Variants in PCDH15 observed in about 807,000 individuals in gnomAD.
PCDH15 encodes the protein protocadherin related 15.
Under a neutral mutation model 178.5 loss-of-function variants are expected in PCDH15, and 129 were observed. The ratio of observed to expected loss-of-function variants is 0.72; its 90% CI spans 0.63 to 0.84. PCDH15 has a LOEUF of 0.84. Ranked by LOEUF, PCDH15 falls within the 40% of genes least tolerant of loss-of-function variation. The pLI, the probability that PCDH15 is intolerant of heterozygous loss-of-function variation, is 0.00. For synonymous variants in PCDH15, 800 were observed against 732.0 expected (o/e 1.09, Z -1.50); for missense variants, 2,230 against 2,099.9 (o/e 1.06, Z -1.21).
intron 2 of PCDH15, among the ~76,000 whole-genome samples, chr10:54,969,315 A>G (rs1246359550): frequency 2.0e-5 from 3 of 152,202 alleles, no homozygotes; most frequent in Non-Finnish European, 2.9e-5. Context: ...AGCAGAACTC[A>G]GTAGCAGGAC....
chr10:55,279,628 T>C (rs968377320), intron 1 of PCDH15, among the ~76,000 whole-genome samples: 18 of 152,218 alleles, frequency 1.2e-4, no homozygotes, highest in Admixed American at 9.8e-4. Context: ...GCATTTTGTA[T>C]TGGGTCCCAG....
chr10:55,340,504 T>A (rs564129241), intron 2 of PCDH15, among the ~76,000 whole-genome samples: 106 of 152,116 alleles, frequency 7.0e-4, no homozygotes, highest in African/African-American at 2.2e-3. Flanking sequence ...TATGCCACAA[T>A]CACATAAAAC....
intron 1 of PCDH15, among the ~76,000 whole-genome samples, chr10:54,691,548 C>T (rs1414446591): frequency 2.0e-5 from 3 of 151,630 alleles, no homozygotes; most frequent in African/African-American, 7.3e-5. Flanking sequence ...GGAAATTACT[C>T]TTCTGAGTAC....
intron 2 of PCDH15, among the ~76,000 whole-genome samples, chr10:54,962,929 T>C (rs1252871440): frequency 6.6e-6 from 1 of 152,094 alleles, no homozygotes; most frequent in East Asian, 1.9e-4. Flanking sequence ...ACCTGAAGGA[T>C]CCTGTGACAG....
At chr10:55,398,923 C>T (rs1408073087) in intron 2 of PCDH15, among the ~76,000 whole-genome samples, 3 of 151,992 alleles carry the variant, frequency 2.0e-5, no homozygotes, top group Admixed American at 1.3e-4. Flanking sequence ...AGAAAGAACG[C>T]TCACATTCTC....
intron 1 of PCDH15, among the ~76,000 whole-genome samples, chr10:55,186,177 A>T (rs1260201146): frequency 2.0e-5 from 3 of 151,600 alleles, no homozygotes; most frequent in Non-Finnish European, 4.4e-5. Flanking sequence ...TTGACTAAAT[A>T]TAATGCAAAT....
At chr10:54,203,525 TAGTCAG>T (rs1212059490) in intron 10 of PCDH15, among the ~76,000 whole-genome samples, 1 of 152,194 alleles carries the variant, frequency 6.6e-6, no homozygotes. Context: ...TTTTGGTTTC[TAGTCAG>T]AGTCAGAGAA....
At chr10:54,262,893 G>A (rs978375452) in intron 8 of PCDH15, among the ~76,000 whole-genome samples, 6 of 152,028 alleles carry the variant, frequency 3.9e-5, no homozygotes, top group Non-Finnish European at 5.9e-5. Context: ...CCGCCAGGGC[G>A]AGTGTCTGTG....
chr10:54,169,001 C>CA (rs1323277753), intron 13 of PCDH15, among the ~76,000 whole-genome samples: 2 of 152,174 alleles, frequency 1.3e-5, no homozygotes, highest in Non-Finnish European at 2.9e-5. Context: ...GGCGTTCCTC[C>CA]AGAACCTCCT....
intron 2 of PCDH15, among the ~76,000 whole-genome samples, chr10:55,338,682 C>T (rs532489954): frequency 6.6e-6 from 1 of 152,022 alleles, no homozygotes; most frequent in Non-Finnish European, 1.5e-5. Flanking sequence ...GCAGGGGAAT[C>T]GCTTGGACCC....
chr10:54,653,317 T>C (rs985221795), intron 2 of PCDH15, among the ~76,000 whole-genome samples: 2 of 152,158 alleles, frequency 1.3e-5, no homozygotes, highest in African/African-American at 4.8e-5. Context: ...ATGTAAGTAT[T>C]CCTACTAGCC....
At chr10:54,602,407 T>A (rs1446595392) in intron 2 of PCDH15, among the ~76,000 whole-genome samples, 1 of 152,144 alleles carries the variant, frequency 6.6e-6, no homozygotes, top group East Asian at 1.9e-4. Flanking sequence ...TTTAGACTTT[T>A]CTGCCTATAC....
chr10:55,095,960 G>A (rs1842440992), intron 2 of PCDH15, among the ~76,000 whole-genome samples: 1 of 151,964 alleles, frequency 6.6e-6, no homozygotes, highest in Non-Finnish European at 1.5e-5. Flanking sequence ...TAGATAATAG[G>A]ATCATGTACA....
intron 3 of PCDH15, among the ~76,000 whole-genome samples, chr10:54,830,069 T>A (rs75057016): frequency 6.6e-6 from 1 of 152,066 alleles, no homozygotes; most frequent in African/African-American, 2.4e-5. Flanking sequence ...CATTGAAACA[T>A]CAAAGTCTAT....
intron 1 of PCDH15, among the ~76,000 whole-genome samples, chr10:55,263,740 A>T (rs1293194624): frequency 2.0e-5 from 3 of 151,788 alleles, no homozygotes; most frequent in African/African-American, 7.3e-5. Flanking sequence ...TTATTTTATT[A>T]TTTTATTTTT....
intron 2 of PCDH15, among the ~76,000 whole-genome samples, chr10:54,969,753 T>C: frequency 6.6e-6 from 1 of 152,192 alleles, no homozygotes; most frequent in East Asian, 1.9e-4. Flanking sequence ...ATAATCACAG[T>C]GTTCACTTCA....
At chr10:54,170,224 C>A (rs1470425807) in intron 13 of PCDH15, among the ~76,000 whole-genome samples, 6 of 148,974 alleles carry the variant, frequency 4.0e-5, no homozygotes, top group Non-Finnish European at 8.9e-5. Context: ...CTCTCCCTGC[C>A]AATCGTGTCC....
At chr10:54,236,976 A>T (rs1442807403) in intron 8 of PCDH15, 45 bp from the exon 9 acceptor site, 2 of 1,424,978 alleles carry the variant, frequency 1.4e-6, no homozygotes, top group East Asian at 4.6e-5. Flanking sequence ...CATTACTAAT[A>T]CTTCATGAAG....
intron 3 of PCDH15, among the ~76,000 whole-genome samples, chr10:54,390,725 A>G (rs1174634067): frequency 6.6e-6 from 1 of 152,178 alleles, no homozygotes; most frequent in Non-Finnish European, 1.5e-5. Flanking sequence ...TCATGAAAAG[A>G]ATTGACATTA....
Sources: gnomAD v4.1 joint callset for allele counts (sites outside exome capture counted in the v4.1 genomes callset) on GRCh38, gnomAD v4.1.1 for gene constraint, MANE v1.5 for transcripts, NCBI Gene and HGNC (gene_info 2026-07-23, HGNC 2026-07-21) for gene names.